KAZN: variants seen among roughly 807,000 people sequenced by gnomAD.
KAZN encodes the protein kazrin, periplakin interacting protein.
KAZN carries 40 observed loss-of-function variants against 87.4 expected under a neutral mutation model. The observed-to-expected ratio is 0.46, with a 90% CI of 0.36 to 0.60. KAZN has a LOEUF of 0.60. KAZN is among the 20% of genes least tolerant of loss of function. The pLI is 0.00. For synonymous variants in KAZN, 466 were observed against 458.3 expected, an observed-to-expected ratio of 1.02 and a Z score of -0.22; for missense variants, 898 against 1,073.9, an observed-to-expected ratio of 0.84 and a Z score of 2.29.
chr1:14,328,225 C>T (rs1344119529), intron 2 of KAZN, among the ~76,000 whole-genome samples: 2 of 152,156 alleles, frequency 1.3e-5, no homozygotes, highest in African/African-American at 4.8e-5. Context: ...ATCTCAGTTT[C>T]TTTAGCTACA....
intron 4 of KAZN, among the ~76,000 whole-genome samples, chr1:15,049,657 C>T (rs1171718514): frequency 1.3e-5 from 2 of 152,176 alleles, no homozygotes; most frequent in African/African-American, 4.8e-5. Context: ...AGTTTGGGTC[C>T]TGTTATTTTC....
chr1:14,407,528 G>T (rs1199000166), intron 2 of KAZN, among the ~76,000 whole-genome samples: 1 of 152,186 alleles, frequency 6.6e-6, no homozygotes, highest in Non-Finnish European at 1.5e-5. Flanking sequence ...TACCAGAGTT[G>T]CAAGAGAAGA....
At chr1:14,771,176 A>G (rs781706039) in intron 1 of KAZN, among the ~76,000 whole-genome samples, 7 of 152,182 alleles carry the variant, frequency 4.6e-5, no homozygotes, top group Non-Finnish European at 8.8e-5. Context: ...CCCGAGGAAG[A>G]AAGAATTTTT....
At chr1:14,213,613 G>A (rs1294278970) in intron 2 of KAZN, among the ~76,000 whole-genome samples, 3 of 152,184 alleles carry the variant, frequency 2.0e-5, no homozygotes, top group African/African-American at 7.2e-5. Context: ...GGTTAGAAAG[G>A]TCAGAAAGGT....
chr1:14,837,391 G>A (rs1647379758), intron 1 of KAZN, among the ~76,000 whole-genome samples: 1 of 152,052 alleles, frequency 6.6e-6, no homozygotes, highest in Non-Finnish European at 1.5e-5. Flanking sequence ...TAGAGACGGG[G>A]TTTCTCCATG....
rs554545478 is a variant in KAZN at position 14,858,370 on chromosome 1, G to A, written c.227-102314G>A. 7.6e-4 allele frequency among the ~76,000 whole-genome samples: 115 copies of A among 151,958 alleles called. 4 individuals carry two copies. In the South Asian group the frequency reaches 0.023, roughly 30 times the overall value. The stretch of plus-strand genomic sequence containing the variant: ...TGGAATTACAGGCGCCTGCCACCAT[G>A]TCCACCTAATTTTTGTATTTTTAGT... On this transcript the variant is annotated intron_variant, in intron 1 of 14. Transcript: ENST00000376030.
intron 1 of KAZN, among the ~76,000 whole-genome samples, chr1:14,610,968 A>G (rs1677771789): frequency 6.6e-6 from 1 of 152,218 alleles, no homozygotes; most frequent in Admixed American, 6.5e-5. Flanking sequence ...GCCTGTGGTC[A>G]CTTTCGCTGT....
rs1386015457 is a variant in KAZN at position 14,396,533 on chromosome 1, G to T, written c.250-202450G>T. 2.0e-5 allele frequency among the ~76,000 whole-genome samples: 3 copies of T among 152,298 alleles called. No individual in the cohort carries two copies. The East Asian group carries it at 5.8e-4, about 29-fold the overall frequency. Reference sequence around the variant, plus strand: ...CCCGTCAGACTCACTCCCCTAACACGTGAGAATTTTCCAAACTATTTTGAC... The same window carrying T: ...CCCGTCAGACTCACTCCCCTAACACTTGAGAATTTTCCAAACTATTTTGAC... On this transcript the variant is annotated intron_variant, in intron 2 of 16. Transcript: ENST00000636203.
intron 1 of KAZN, among the ~76,000 whole-genome samples, chr1:14,727,511 C>CTTTTTTTTTTTTTTTTTTTTTT (rs1643455466): frequency 1.1e-5 from 1 of 91,748 alleles, no homozygotes; most frequent in African/African-American, 4.2e-5. Context: ...AAGAGTTTTG[C>CTTTTTTTTTTTTTTTTTTTTTT]TCTTGTTGTC....
At chr1:15,073,345 C>G (rs946791959) in intron 8 of KAZN, among the ~76,000 whole-genome samples, 3 of 152,218 alleles carry the variant, frequency 2.0e-5, no homozygotes, top group African/African-American at 7.2e-5. Context: ...AACAAGCTGC[C>G]TGGTGTGGGC....
intron 8 of KAZN, among the ~76,000 whole-genome samples, chr1:15,093,472 A>T (rs1640648605): frequency 6.6e-6 from 1 of 151,992 alleles, no homozygotes; most frequent in African/African-American, 2.4e-5. Flanking sequence ...AGGCGAAAGG[A>T]TATTGAGAAG....
intron 1 of KAZN, among the ~76,000 whole-genome samples, chr1:13,980,642 AAGG>A (rs1341328575): frequency 6.6e-6 from 1 of 152,192 alleles, no homozygotes; most frequent in African/African-American, 2.4e-5. Flanking sequence ...GCATAACTAA[AAGG>A]AGAAGTAGAT....
intron 1 of KAZN, among the ~76,000 whole-genome samples, chr1:14,713,509 G>A (rs947426112): frequency 6.6e-6 from 1 of 152,062 alleles, no homozygotes; most frequent in African/African-American, 2.4e-5. Flanking sequence ...GACATCTGGA[G>A]ATATTTTTGG....
chr1:14,692,248 G>A (rs951554188), intron 1 of KAZN: 5 of 705,958 alleles, frequency 7.1e-6, no homozygotes, highest in African/African-American at 3.7e-5. Flanking sequence ...TCCAACCTGC[G>A]CTGGCAATCT....
chr1:14,893,167 A>G (rs1654900506), intron 1 of KAZN, among the ~76,000 whole-genome samples: 3 of 152,148 alleles, frequency 2.0e-5, no homozygotes, highest in Non-Finnish European at 4.4e-5. Context: ...GGAGTTCGAG[A>G]CCAACCAGAC....
chr1:14,663,364 C>T (rs1018634674), intron 1 of KAZN, among the ~76,000 whole-genome samples: 2 of 152,126 alleles, frequency 1.3e-5, no homozygotes, highest in African/African-American at 4.8e-5. Context: ...TTCGCCGGGG[C>T]CACACAGGCA....
At chr1:13,998,023 G>A (rs1639608652) in intron 1 of KAZN, among the ~76,000 whole-genome samples, 1 of 152,192 alleles carries the variant, frequency 6.6e-6, no homozygotes, top group African/African-American at 2.4e-5. Flanking sequence ...ACTAACAGCA[G>A]ACCTTTCAGG....
chr1:14,229,357 G>A (rs190236543), intron 2 of KAZN, among the ~76,000 whole-genome samples: 26 of 152,236 alleles, frequency 1.7e-4, no homozygotes, highest in Middle Eastern at 3.4e-3. Context: ...CGAGTGCTTC[G>A]TGAAAATATA....
chr1:15,104,080 C>T lies in KAZN; in HGVS notation c.1939C>T (p.Pro647Ser), dbSNP rs765464765. 3.7e-6 allele frequency: 6 copies of T among 1,613,578 alleles called. No individual in the cohort carries two copies. The East Asian group carries it at 1.3e-4, about 36-fold the overall frequency. The change falls in exon 13 of 15, where the codon CCC (proline) becomes TCC (serine). Residue 647 changes from proline (P) to serine (S), a missense_variant. By Grantham distance (74) the Pro-to-Ser change is moderately conservative. Coordinates refer to ENST00000376030, the MANE Select transcript of KAZN (RefSeq NM_201628.3). ...CCATGGTGCTGTGCTGGTGCTGGAGCCCACATTCAATGCCGAGGCCATGGC... is the reference window on the plus strand; with the variant it reads ...CCATGGTGCTGTGCTGGTGCTGGAGTCCACATTCAATGCCGAGGCCATGGC... ...GVHGAVLVLEPTFNAEAMATA... is the reference protein window; with the variant it reads ...GVHGAVLVLESTFNAEAMATA...
Sources: allele counts gnomAD v4.1 joint callset (sites outside exome capture counted in the v4.1 genomes callset), GRCh38; gene constraint gnomAD v4.1.1; transcripts MANE v1.5; gene names NCBI Gene and HGNC (gene_info 2026-07-23, HGNC 2026-07-21).